COG5: variants seen among roughly 807,000 people sequenced by gnomAD.
COG5 encodes conserved oligomeric Golgi complex subunit 5.
COG5 carries 86 observed loss-of-function variants against 110.4 expected under a neutral mutation model. That is an observed-to-expected ratio of 0.78 (90% CI 0.65 to 0.93). The LOEUF (loss-of-function observed/expected upper bound fraction) is 0.93, where lower values mean the gene tolerates loss of function less well. Ranked by LOEUF, COG5 falls within the 40% of genes least tolerant of loss-of-function variation. The pLI is 0.00. For missense variants in COG5, 1,077 were observed against 987.0 expected (o/e 1.09, Z -1.22); for synonymous variants, 360 against 334.6 (o/e 1.08, Z -0.83).
chr7:107,526,513 T>C (rs1029649566), intron 6 of COG5, among the ~76,000 whole-genome samples: 1 of 152,230 alleles, frequency 6.6e-6, no homozygotes, highest in Non-Finnish European at 1.5e-5. Flanking sequence ...CTTCTAGGCA[T>C]AGTATCAGCA....
chr7:107,468,237 T>G (rs1026226209), intron 6 of COG5, among the ~76,000 whole-genome samples: 1 of 152,166 alleles, frequency 6.6e-6, no homozygotes, highest in African/African-American at 2.4e-5. Flanking sequence ...TCAGTAAATT[T>G]CTCTGTACCT....
chr7:107,542,729 G>A (rs1235675322), intron 5 of COG5, among the ~76,000 whole-genome samples: 3 of 152,092 alleles, frequency 2.0e-5, no homozygotes, highest in Non-Finnish European at 4.4e-5. Context: ...CAGCACTTTG[G>A]GAGGCCGAGG....
In COG5 at chr7:107,205,878, T is replaced by C. The variant is rs577818608; in HGVS notation, c.2376-2248A>G. 2.6e-5 allele frequency among the ~76,000 whole-genome samples: 4 copies of C among 152,188 alleles called. No individual in the cohort carries two copies. In the East Asian group the frequency reaches 7.7e-4, roughly 29 times the overall value. ...TTGGAATCCCTGAAGGCTGGCTCCA[T>C]GCTCTGGTCAGGGCAGGAGTACTTT... On this transcript the variant is annotated intron_variant, in intron 21 of 21. Transcript: ENST00000297135.
chr7:107,464,333 G>C (rs140985746), intron 6 of COG5, among the ~76,000 whole-genome samples: 1 of 152,154 alleles, frequency 6.6e-6, no homozygotes, highest in East Asian at 1.9e-4. Context: ...CCTGAGGCTT[G>C]CTGTTTTGTT....
At chr7:107,508,486 C>G (rs1402169092) in intron 6 of COG5, among the ~76,000 whole-genome samples, 1 of 152,228 alleles carries the variant, frequency 6.6e-6, no homozygotes, top group African/African-American at 2.4e-5. Context: ...ACAGCAGTAA[C>G]CTCTGCAGAC....
chr7:107,385,436 A>AATACAT (rs1790116277), intron 7 of COG5, among the ~76,000 whole-genome samples: 1 of 152,234 alleles, frequency 6.6e-6, no homozygotes, highest in Non-Finnish European at 1.5e-5. Flanking sequence ...AACAGAAAAC[A>AATACAT]ATACATATGT....
intron 14 of COG5, among the ~76,000 whole-genome samples, chr7:107,275,034 C>G (rs1213502065): frequency 1.3e-5 from 2 of 152,090 alleles, no homozygotes; most frequent in East Asian, 3.9e-4. Flanking sequence ...TCAAAGCAAT[C>G]CTTCTGTCTC....
chr7:107,382,338 A>G (rs1815195888), intron 7 of COG5, among the ~76,000 whole-genome samples: 1 of 152,258 alleles, frequency 6.6e-6, no homozygotes, highest in Admixed American at 6.5e-5. Flanking sequence ...ACAGAATTCC[A>G]TCAAAGCCAC....
At chr7:107,218,438 A>C (rs1033405590) in intron 19 of COG5, among the ~76,000 whole-genome samples, 1 of 152,090 alleles carries the variant, frequency 6.6e-6, no homozygotes, top group Non-Finnish European at 1.5e-5. Flanking sequence ...ATCACTACCT[A>C]ATTTTAAACT....
At chr7:107,232,799 T>C (rs759274290) in intron 18 of COG5, among the ~76,000 whole-genome samples, 1 of 152,174 alleles carries the variant, frequency 6.6e-6, no homozygotes, top group Non-Finnish European at 1.5e-5. Flanking sequence ...ACTCTGCCAT[T>C]AGCAGCGGAT....
intron 12 of COG5, among the ~76,000 whole-genome samples, chr7:107,287,646 A>T (rs1270523808): frequency 6.6e-6 from 1 of 151,376 alleles, no homozygotes; most frequent in Non-Finnish European, 1.5e-5. Context: ...CACCTTCCTC[A>T]CTCCATCCCC....
intron 6 of COG5, among the ~76,000 whole-genome samples, chr7:107,493,606 T>C (rs574615459): frequency 1.4e-4 from 22 of 152,234 alleles, no homozygotes; most frequent in African/African-American, 5.3e-4. Context: ...CAAATCTCAA[T>C]CCCTAAATAA....
chr7:107,310,765 G>A (rs1333838852), intron 11 of COG5, among the ~76,000 whole-genome samples: 1 of 152,120 alleles, frequency 6.6e-6, no homozygotes, highest in Non-Finnish European at 1.5e-5. Flanking sequence ...AAGAGGCAAG[G>A]GCATGCACCC....
chr7:107,441,065 AAC>A (rs1163958159), intron 6 of COG5, among the ~76,000 whole-genome samples: 1 of 151,842 alleles, frequency 6.6e-6, no homozygotes, highest in Non-Finnish European at 1.5e-5. Context: ...CATCCTGTCT[AAC>A]ACAGTGAAAC....
chr7:107,261,507 G>C (rs925818579), intron 14 of COG5, among the ~76,000 whole-genome samples: 1 of 152,122 alleles, frequency 6.6e-6, no homozygotes, highest in African/African-American at 2.4e-5. Context: ...TCTGGAATCA[G>C]CCATGTCTCC....
At chr7:107,542,841 C>T (rs1802134760) in intron 5 of COG5, among the ~76,000 whole-genome samples, 1 of 151,936 alleles carries the variant, frequency 6.6e-6, no homozygotes, top group Non-Finnish European at 1.5e-5. Context: ...AATGTGGTGG[C>T]AGGTGCCTGT....
intron 11 of COG5, among the ~76,000 whole-genome samples, chr7:107,304,379 G>A (rs926515653): frequency 6.6e-6 from 1 of 152,110 alleles, no homozygotes; most frequent in Non-Finnish European, 1.5e-5. Context: ...CCTTTAAAAT[G>A]TGAGTTAAAT....
intron 6 of COG5, among the ~76,000 whole-genome samples, chr7:107,431,439 G>C (rs1248138941): frequency 6.6e-6 from 1 of 152,024 alleles, no homozygotes; most frequent in African/African-American, 2.4e-5. Context: ...CTAGGTTATG[G>C]GTAAGGGGTG....
At position 107,281,519 on chromosome 7, in the gene COG5, C is replaced by T. The variant is rs1805164846; in HGVS notation, c.1476-120G>A. 10 of 752,332 alleles carry T rather than the reference C, an allele frequency of 1.3e-5. No individual in the cohort carries two copies. In the Admixed American group the frequency reaches 2.1e-4, roughly 16 times the overall value. 46.6% of individuals were successfully genotyped at this position (752,332 alleles called of 1,614,324 possible). A position where few individuals can be genotyped will look rare whatever the true frequency, so the allele number is the denominator to read the frequency against. On this transcript the variant is annotated intron_variant, in intron 13 of 21. Transcript: ENST00000297135. ...GTTATTCTTTTTATAGATTTCACTGCTTCCAAGAACTGGTTGCATTGTTTC... is the reference window on the plus strand; with the variant it reads ...GTTATTCTTTTTATAGATTTCACTGTTTCCAAGAACTGGTTGCATTGTTTC...
Sources: allele counts gnomAD v4.1 joint callset (sites outside exome capture counted in the v4.1 genomes callset), GRCh38; gene constraint gnomAD v4.1.1; transcripts MANE v1.5; gene names NCBI Gene and HGNC (gene_info 2026-07-23, HGNC 2026-07-21).